The following CEP250 variants were observed in gnomAD, a reference collection of about 807,000 sequenced individuals.
CEP250 encodes centrosomal protein 250, also known as centrosome-associated protein CEP250.
In CEP250, 242 loss-of-function variants were observed where a neutral mutation model predicts 315.7. The ratio of observed to expected loss-of-function variants is 0.77; its 90% CI spans 0.69 to 0.85. The LOEUF (loss-of-function observed/expected upper bound fraction) is 0.85, where lower values mean the gene tolerates loss of function less well. CEP250 is among the 40% of genes least tolerant of loss of function. The probability of loss-of-function intolerance (pLI) is 0.00; values close to 1 mark genes in which losing one functional copy is unlikely to be tolerated. For synonymous variants in CEP250, 1,088 were observed against 1,175.0 expected (o/e 0.93, Z 1.51); for missense variants, 2,515 against 2,886.4 (o/e 0.87, Z 2.95).
At chr20:35,505,039 A>C (rs376415204) in intron 30 of CEP250, 34 bp downstream of exon 30, 4 of 1,533,254 alleles carry the variant, frequency 2.6e-6, no homozygotes, top group Non-Finnish European at 3.5e-6. Flanking sequence ...GGGCCAGGGG[A>C]CACACCCCTG....
rs781017212 is a variant in CEP250 at position 35,490,712 on chromosome 20, G to A, written c.2662G>A (p.Glu888Lys). 6.2e-7 allele frequency: 1 copy of A among 1,613,930 alleles called. No homozygotes were observed. Among genetic ancestry groups the A allele is most frequent in the African/African-American group, 1.3e-5 (1 of 74,934 alleles). The change falls in exon 21 of 35, where the codon GAA (glutamate) becomes AAA (lysine). Residue 888 changes from glutamate (E) to lysine (K), a missense_variant. Transcript: ENST00000397527. The part of the protein sequence containing the change: ...ESLEREKMEL[E>K]MRLKEQQTEM... Reference sequence around the variant, plus strand: ...CTTAGAAAGGGAAAAAATGGAGCTGGAAATGAGGCTAAAGGAGCAGCAGAC... The same window carrying A: ...CTTAGAAAGGGAAAAAATGGAGCTGAAAATGAGGCTAAAGGAGCAGCAGAC...
Position 35,513,478 on chromosome 20 carries a change from G to C in CEP250, c.*1852G>C, listed in dbSNP as rs558317821. On this transcript the variant is annotated 3_prime_UTR_variant, in exon 35 of 35. Transcript: ENST00000397527. ...TCTCCATGTTGATCAGGCTGGTCTC[G>C]AACTCCCGACCTCAGGTGATCCACC... 1 of 151,990 alleles carries C rather than the reference G, an allele frequency of 6.6e-6. No individual in the cohort carries two copies. The highest frequency in any genetic ancestry group is 1.5e-5 in the Non-Finnish European group (1 of 68,028). The allele number at this position is 151,990 out of a possible 1,614,324, so 9.4% of individuals were successfully genotyped here. A position where few individuals can be genotyped will look rare whatever the true frequency, so the allele number is the denominator to read the frequency against.
chr20:35,483,123 C>T (rs1041337520), intron 20 of CEP250, among the ~76,000 whole-genome samples: 5 of 151,588 alleles, frequency 3.3e-5, no homozygotes, highest in African/African-American at 9.7e-5. Flanking sequence ...GAGTTCGAGA[C>T]CAGCCTGACC....
chr20:35,484,267 G>C (rs1371598605), intron 20 of CEP250, among the ~76,000 whole-genome samples: 3 of 152,056 alleles, frequency 2.0e-5, no homozygotes, highest in Non-Finnish European at 4.4e-5. Flanking sequence ...TGAGGCAAAG[G>C]AGTTTTTCCT....
chr20:35,462,274 A>T lies in CEP250; in HGVS notation c.-94A>T, dbSNP rs995139941. ...GTGCTTTGGTCCCCAGTTCAAGAGG[A>T]GGTTGAAGTGGCATGGCAATGGTTA... On this transcript the variant is annotated 5_prime_UTR_variant, in exon 4 of 35. Coordinates refer to ENST00000397527, the MANE Select transcript of CEP250 (RefSeq NM_007186.6). 4 of 910,574 alleles carry T rather than the reference A, an allele frequency of 4.4e-6. No individual in the cohort carries two copies. Among genetic ancestry groups the T allele is most frequent in the Non-Finnish European group, 6.6e-6 (4 of 601,786 alleles). The allele number at this position is 910,574 out of a possible 1,614,324, so 56.4% of individuals were successfully genotyped here.
chr20:35,457,640 T>C (rs1411465874), intron 1 of CEP250, among the ~76,000 whole-genome samples: 1 of 151,824 alleles, frequency 6.6e-6, no homozygotes, highest in East Asian at 1.9e-4. Context: ...CTACTAAAAA[T>C]ACAAAAAAAT....
intron 27 of CEP250, among the ~76,000 whole-genome samples, chr20:35,499,573 TGTGACATG>T (rs1213004525): frequency 3.3e-5 from 5 of 152,238 alleles, no homozygotes; most frequent in Non-Finnish European, 7.3e-5. Context: ...AAAGAAGGCT[TGTGACATG>T]GTGGAGGAAC....
intron 24 of CEP250, among the ~76,000 whole-genome samples, chr20:35,495,201 GC>G (rs1319800463): frequency 6.6e-6 from 1 of 152,202 alleles, no homozygotes; most frequent in Non-Finnish European, 1.5e-5. Context: ...AGTGGTTGGA[GC>G]CTGATTGGAT....
chr20:35,479,550 C>A, intron 18 of CEP250, 96 bp from the exon 19 acceptor site: 1 of 1,554,122 alleles, frequency 6.4e-7, no homozygotes, highest in South Asian at 1.2e-5. Flanking sequence ...GCCCCCCTAA[C>A]TTCTCCAGGT....
intron 6 of CEP250, 74 bp from the exon 7 acceptor site, chr20:35,465,965 A>G: frequency 1.3e-6 from 2 of 1,577,018 alleles, no homozygotes; most frequent in East Asian, 2.2e-5. Context: ...AGTGGTTGCC[A>G]TCTTACTCCC....
chr20:35,482,102 TA>T (rs1294479217), intron 20 of CEP250, among the ~76,000 whole-genome samples: 75 of 150,268 alleles, frequency 5.0e-4, no homozygotes, highest in African/African-American at 1.3e-3. Flanking sequence ...GATAGATAGA[TA>T]GATTCACTAA....
intron 20 of CEP250, among the ~76,000 whole-genome samples, chr20:35,482,556 T>A (rs2063381717): frequency 1.4e-5 from 2 of 147,880 alleles, no homozygotes; most frequent in African/African-American, 2.5e-5. Context: ...TTTTTATATT[T>A]TTTTTTATTT....
intron 20 of CEP250, among the ~76,000 whole-genome samples, chr20:35,489,370 G>A (rs927050632): frequency 6.6e-6 from 1 of 152,236 alleles, no homozygotes; most frequent in Non-Finnish European, 1.5e-5. Flanking sequence ...AAGGAAAAGT[G>A]CAGGGAATAC....
In CEP250 at chr20:35,472,042, C is replaced by T; in HGVS notation, c.949-8C>T. 2 of 1,550,380 alleles carry T rather than the reference C, an allele frequency of 1.3e-6. No homozygotes were observed. Among genetic ancestry groups the T allele is most frequent in the East Asian group, 4.5e-5 (2 of 44,544 alleles). On this transcript the variant is annotated splice_region_variant and splice_polypyrimidine_tract_variant and intron_variant, in intron 10 of 34. Coordinates refer to ENST00000397527, the MANE Select transcript of CEP250 (RefSeq NM_007186.6). Reference sequence around the variant, plus strand: ...TGGCTCTGAGGCTCTGTTCTATTCCCTGTTCAGGAGACAAATCACACAGAA... The same window carrying T: ...TGGCTCTGAGGCTCTGTTCTATTCCTTGTTCAGGAGACAAATCACACAGAA...
chr20:35,475,941 A>C (rs2063162064), intron 15 of CEP250, among the ~76,000 whole-genome samples: 1 of 152,136 alleles, frequency 6.6e-6, no homozygotes, highest in Non-Finnish European at 1.5e-5. Flanking sequence ...CTCCCCTTCT[A>C]CTGCAAAACC....
At chr20:35,498,508 T>G in intron 26 of CEP250, 87 bp from the exon 27 acceptor site, 5 of 1,519,706 alleles carry the variant, frequency 3.3e-6, no homozygotes, top group Non-Finnish European at 4.4e-6. Flanking sequence ...GAGGGACCAG[T>G]TGGAAGGACA....
intron 11 of CEP250, 112 bp from the exon 12 acceptor site, chr20:35,472,561 G>T: frequency 1.8e-6 from 2 of 1,092,052 alleles, no homozygotes; most frequent in Non-Finnish European, 2.7e-6. Context: ...TCCCCCAGGG[G>T]AGAGGACCTG....
At position 35,511,532 on chromosome 20, in the gene CEP250, G is replaced by A. The variant is rs371792771; in HGVS notation, c.7235G>A (p.Arg2412His). The stretch of plus-strand genomic sequence containing the variant: ...GCCACTGTCCTGGAGGCAGAGACCC[G>A]CAGGCTGGATGAGTCCCTGACTCAA... ...PEATVLEAET[R>H]RLDESLTQSL... The change falls in exon 35 of 35, where the codon CGC becomes CAC. Residue 2412 changes from arginine (R) to histidine (H), a missense_variant. Coordinates refer to ENST00000397527, the MANE Select transcript of CEP250 (RefSeq NM_007186.6). 5.0e-6 allele frequency: 8 copies of A among 1,613,952 alleles called. No individual in the cohort carries two copies. The highest frequency in any genetic ancestry group is 6.8e-6 in the Non-Finnish European group (8 of 1,180,018).
chr20:35,495,715 A>T (rs1444111389), intron 24 of CEP250, among the ~76,000 whole-genome samples: 1 of 152,078 alleles, frequency 6.6e-6, no homozygotes, highest in Non-Finnish European at 1.5e-5. Context: ...ACACCACTGC[A>T]CTCCAGCCTC....
Sources: gnomAD v4.1 joint callset for allele counts (sites outside exome capture counted in the v4.1 genomes callset) on GRCh38, gnomAD v4.1.1 for gene constraint, MANE v1.5 for transcripts, NCBI Gene and HGNC (gene_info 2026-07-23, HGNC 2026-07-21) for gene names.